CLCN3: variants seen among roughly 807,000 people sequenced by gnomAD.
CLCN3 encodes H(+)/Cl(-) exchange transporter 3.
A neutral mutation model predicts 83.4 loss-of-function variants in CLCN3; 16 were observed. That is an observed-to-expected ratio of 0.19 (90% CI 0.13 to 0.29). The LOEUF (loss-of-function observed/expected upper bound fraction) is 0.29, where lower values mean the gene tolerates loss of function less well. Ranked by LOEUF, CLCN3 falls within the 10% of genes least tolerant of loss-of-function variation. CLCN3 has a pLI of 1.00. For synonymous variants in CLCN3, 322 were observed against 346.2 expected (o/e 0.93, Z 0.78); for missense variants, 544 against 1,006.0 (o/e 0.54, Z 6.21).
intron 12 of CLCN3, 113 bp from the exon 13 acceptor site, chr4:169,719,794 C>G: frequency 1.4e-6 from 1 of 724,528 alleles, no homozygotes; most frequent in Non-Finnish European, 2.2e-6. Context: ...AATACAAAAT[C>G]AGGCTGCTTG....
intron 2 of CLCN3, among the ~76,000 whole-genome samples, chr4:169,648,272 C>T (rs1454484606): frequency 3.3e-5 from 5 of 152,120 alleles, no homozygotes; most frequent in Admixed American, 6.5e-5. Flanking sequence ...GGAAATGTAA[C>T]GTGTTAACAA....
chr4:169,674,911 C>T (rs1340279008), intron 2 of CLCN3, among the ~76,000 whole-genome samples: 1 of 152,094 alleles, frequency 6.6e-6, no homozygotes, highest in Non-Finnish European at 1.5e-5. Context: ...CCACCATGCC[C>T]AGCTAGTTTT....
rs559222364 is a variant in CLCN3 at position 169,635,826 on chromosome 4, G to A, written c.-16-87G>A. 3.0e-3 allele frequency: 3,239 copies of A among 1,097,464 alleles called. 14 individuals are homozygous for A. Among genetic ancestry groups the A allele is most frequent in the South Asian group, 8.4e-3 (412 of 48,824 alleles). 68.0% of individuals were successfully genotyped at this position (1,097,464 alleles called of 1,614,324 possible). ...TACGCTTAATTTTTTTTAGCACATA[G>A]ATCATAACTTTCCTTTTGTGATGTT... On this transcript the variant is annotated intron_variant, in intron 1 of 12. Transcript: ENST00000513761.
intron 5 of CLCN3, among the ~76,000 whole-genome samples, chr4:169,689,867 AG>A (rs915509715): frequency 2.0e-5 from 3 of 152,182 alleles, no homozygotes; most frequent in African/African-American, 7.2e-5. Flanking sequence ...TGATCTGGAA[AG>A]TTGCAGCAGA....
chr4:169,668,864 A>T (rs1731353204), intron 2 of CLCN3, among the ~76,000 whole-genome samples: 1 of 152,116 alleles, frequency 6.6e-6, no homozygotes, highest in Admixed American at 6.6e-5. Flanking sequence ...TCAGCTGTTA[A>T]AATTAATTGG....
At chr4:169,653,667 G>C (rs969493798) in intron 2 of CLCN3, among the ~76,000 whole-genome samples, 1 of 130,156 alleles carries the variant, frequency 7.7e-6, no homozygotes, top group Non-Finnish European at 1.7e-5. Flanking sequence ...AAAAAGGAAA[G>C]AAAAGAGGTC....
rs532466720 is a variant in CLCN3 at position 169,653,678 on chromosome 4, G to C, written c.160+17590G>C. ...AAAAAAAAAGGAAAGAAAAGAGGTC[G>C]TGCAGGCTGTATAGGAAGCATAGTG... On this transcript the variant is annotated intron_variant, in intron 2 of 12. Coordinates refer to ENST00000513761, the MANE Select transcript of CLCN3 (RefSeq NM_001829.4). Among the ~76,000 whole-genome samples the C allele has an allele frequency of 8.3e-4, 124 of 150,218 alleles. 3 individuals are homozygous for C. The South Asian group carries it at 0.016, about 20-fold the overall frequency.
At chr4:169,676,151 T>A (rs1351515645) in intron 2 of CLCN3, among the ~76,000 whole-genome samples, 4 of 152,238 alleles carry the variant, frequency 2.6e-5, no homozygotes, top group African/African-American at 9.6e-5. Flanking sequence ...AAAATGCTGG[T>A]CTACACCTGG....
intron 2 of CLCN3, among the ~76,000 whole-genome samples, chr4:169,661,702 G>C (rs1366761689): frequency 6.6e-6 from 1 of 152,008 alleles, no homozygotes; most frequent in African/African-American, 2.4e-5. Flanking sequence ...TGATATATGT[G>C]TATATGTATA....
At chr4:169,705,952 GT>G (rs1440643952) in intron 10 of CLCN3, among the ~76,000 whole-genome samples, 1 of 152,054 alleles carries the variant, frequency 6.6e-6, no homozygotes, top group African/African-American at 2.4e-5. Flanking sequence ...GATCATGGGA[GT>G]CCAGGAGTTT....
At chr4:169,663,706 G>A in intron 2 of CLCN3, 1 of 341,764 alleles carries the variant, frequency 2.9e-6, no homozygotes, top group Admixed American at 4.1e-5. Flanking sequence ...AGTAGGTACT[G>A]TTATAATCCC....
At chr4:169,688,078 GTGCTTCCTATGTGT>G (rs1253682680) in intron 4 of CLCN3, among the ~76,000 whole-genome samples, 1 of 152,136 alleles carries the variant, frequency 6.6e-6, no homozygotes, top group East Asian at 1.9e-4. Flanking sequence ...TATTTCTTGA[GTGCTTCCTATGTGT>G]TGTACACTGT....
intron 1 of CLCN3, among the ~76,000 whole-genome samples, chr4:169,627,074 T>C (rs1260683393): frequency 6.6e-6 from 1 of 152,202 alleles, no homozygotes; most frequent in Non-Finnish European, 1.5e-5. Context: ...GATCATGTGA[T>C]TTCTCTAAAG....
rs1733686436 is a variant in CLCN3 at position 169,722,971 on chromosome 4, G to C, written c.*2974G>C. On this transcript the variant is annotated 3_prime_UTR_variant, in exon 13 of 13. Transcript: ENST00000513761. ...TTGAATACCCTTTTTGAGAAGGTAT[G>C]ATGAGAATGGGCAAGGGTGTCAGCA... The C allele has an allele frequency of 6.6e-6, 1 of 152,172 alleles. No individual in the cohort carries two copies. The highest frequency in any genetic ancestry group is 2.4e-5 in the African/African-American group (1 of 41,440). The allele number at this position is 152,172 out of a possible 1,614,324, so 9.4% of individuals were successfully genotyped here. A position where few individuals can be genotyped will look rare whatever the true frequency, so the allele number is the denominator to read the frequency against.
At chr4:169,674,287 T>C (rs1282100491) in intron 2 of CLCN3, among the ~76,000 whole-genome samples, 1 of 152,180 alleles carries the variant, frequency 6.6e-6, no homozygotes, top group Non-Finnish European at 1.5e-5. Context: ...CCTTATAAGA[T>C]TCATTTTATG....
intron 12 of CLCN3, chr4:169,717,751 T>G (rs1733479387): frequency 7.6e-7 from 1 of 1,312,442 alleles, no homozygotes. Context: ...CTCTTTTAAT[T>G]TAATTTCTCA....
At position 169,675,570 on chromosome 4, in the gene CLCN3, A is replaced by G. The variant is rs577047937; in HGVS notation, c.161-4480A>G. 2.6e-5 allele frequency among the ~76,000 whole-genome samples: 4 copies of G among 152,296 alleles called. No individual in the cohort carries two copies. In the East Asian group the frequency reaches 5.8e-4, roughly 22 times the overall value. ...TATTCTATATCAAATAATGAGCTAC[A>G]TTTTCAATAATAACCTCTGAGTAAT... On this transcript the variant is annotated intron_variant, in intron 2 of 12. Coordinates refer to ENST00000513761, the MANE Select transcript of CLCN3 (RefSeq NM_001829.4).
At chr4:169,715,816 A>T in intron 12 of CLCN3, among the ~76,000 whole-genome samples, 1 of 6,526 alleles carries the variant, frequency 1.5e-4, no homozygotes, top group Non-Finnish European at 1.9e-3. Flanking sequence ...AATAGGAGTG[A>T]CTCAGAAAAA....
chr4:169,626,655 A>G (rs2150196168), intron 1 of CLCN3, among the ~76,000 whole-genome samples: 1 of 152,278 alleles, frequency 6.6e-6, no homozygotes, highest in South Asian at 2.1e-4. Context: ...CTGTTTTCTG[A>G]GGTTTAATGT....
Sources: allele counts gnomAD v4.1 joint callset (sites outside exome capture counted in the v4.1 genomes callset), GRCh38; gene constraint gnomAD v4.1.1; transcripts MANE v1.5; gene names NCBI Gene and HGNC (gene_info 2026-07-23, HGNC 2026-07-21).